The following EYA4 variants were observed in gnomAD, a reference collection of about 807,000 sequenced individuals.
EYA4 encodes protein phosphatase EYA4.
A neutral mutation model predicts 87.9 loss-of-function variants in EYA4; 31 were observed. The ratio of observed to expected loss-of-function variants is 0.35; its 90% CI spans 0.27 to 0.48. EYA4 has a LOEUF of 0.48. Among genes scored for constraint, EYA4 ranks in the 20% least tolerant of loss-of-function variants. EYA4 has a pLI of 0.99. For synonymous variants in EYA4, 263 were observed against 270.6 expected (o/e 0.97, Z 0.28); for missense variants, 678 against 761.4 (o/e 0.89, Z 1.29).
chr6:133,274,829 C>G lies in EYA4; in HGVS notation c.33+16C>G. 6.2e-7 allele frequency: 1 copy of G among 1,611,756 alleles called. No homozygotes were observed. The highest frequency in any genetic ancestry group is 8.5e-7 in the Non-Finnish European group (1 of 1,178,110). On this transcript the variant is annotated intron_variant, in intron 2 of 19. Coordinates refer to ENST00000355286, the MANE Select transcript of EYA4 (RefSeq NM_004100.5). ...TGAACAATCAGTAAGTCTTCATTCT[C>G]AGTTTTGCTGAAAAAAGTTGCGATA...
At chr6:133,400,544 T>A (rs1041370746) in intron 3 of EYA4, among the ~76,000 whole-genome samples, 1 of 152,008 alleles carries the variant, frequency 6.6e-6, no homozygotes, top group African/African-American at 2.4e-5. Context: ...TATGCTTATA[T>A]TGCAAGCCGC....
intron 3 of EYA4, among the ~76,000 whole-genome samples, chr6:133,434,549 G>A (rs1791480272): frequency 6.6e-6 from 1 of 152,074 alleles, no homozygotes; most frequent in South Asian, 2.1e-4. Context: ...TGAGACTAAG[G>A]TCCCATGACT....
chr6:133,372,283 T>C (rs1431333538), intron 2 of EYA4, among the ~76,000 whole-genome samples: 2 of 152,208 alleles, frequency 1.3e-5, no homozygotes, highest in East Asian at 3.9e-4. Context: ...ATTTAAATTG[T>C]TTTTTCTTTA....
chr6:133,440,673 A>G (rs1380858408), intron 3 of EYA4, among the ~76,000 whole-genome samples: 1 of 152,186 alleles, frequency 6.6e-6, no homozygotes, highest in Non-Finnish European at 1.5e-5. Flanking sequence ...ATCAGACAAG[A>G]AAGATGCTGT....
Position 133,337,931 on chromosome 6 carries a change from G to A in EYA4, c.34-44461G>A, listed in dbSNP as rs375165819. ...TTCGCAGATTGGGGTTTTAGATGTT[G>A]GGGTGACTTTCTGAGTTGGTGAAAG... On this transcript the variant is annotated intron_variant, in intron 2 of 19. Transcript: ENST00000355286. Among the ~76,000 whole-genome samples, 85 of 152,244 alleles carry A rather than the reference G, an allele frequency of 5.6e-4. No homozygotes were observed. The South Asian group carries it at 8.5e-3, about 15-fold the overall frequency.
At chr6:133,404,869 A>C (rs1403808761) in intron 3 of EYA4, among the ~76,000 whole-genome samples, 1 of 152,196 alleles carries the variant, frequency 6.6e-6, no homozygotes, top group East Asian at 1.9e-4. Flanking sequence ...GGAGAGAGAG[A>C]AATGGGAAAC....
intron 17 of EYA4, among the ~76,000 whole-genome samples, chr6:133,522,220 C>T (rs1295001980): frequency 5.8e-5 from 8 of 138,144 alleles, no homozygotes; most frequent in African/African-American, 1.6e-4. Context: ...ATGTGCACAA[C>T]GTGCAGGCTT....
chr6:133,348,448 G>C (rs1783383746), intron 2 of EYA4, among the ~76,000 whole-genome samples: 1 of 151,534 alleles, frequency 6.6e-6, no homozygotes, highest in Non-Finnish European at 1.5e-5. Flanking sequence ...TGTATTGTTA[G>C]CAGAGACGGG....
Position 133,523,169 on chromosome 6 carries a change from C to T in EYA4, c.1730C>T (p.Thr577Ile). ...AFPIENIYSA[T>I]KIGKESCFER... ...CCCATTGAGAATATTTACAGTGCAA[C>T]TAAAATAGGTAAGGAAATTATTTTA... is the stretch of plus-strand genomic sequence containing the variant. The change falls in exon 18 of 20, where the codon ACT (threonine) becomes ATT (isoleucine). Residue 577 changes from threonine to isoleucine, a missense_variant. Thr to Ile is a moderately conservative substitution (Grantham distance 89). Coordinates refer to ENST00000355286, the MANE Select transcript of EYA4 (RefSeq NM_004100.5). 6.2e-7 allele frequency: 1 copy of T among 1,612,016 alleles called. No individual in the cohort carries two copies. The highest frequency in any genetic ancestry group is 8.5e-7 in the Non-Finnish European group (1 of 1,178,400).
At chr6:133,323,116 C>T (rs960062610) in intron 2 of EYA4, among the ~76,000 whole-genome samples, 2 of 149,600 alleles carry the variant, frequency 1.3e-5, no homozygotes, top group Admixed American at 6.7e-5. Context: ...GTGTGAGGAT[C>T]AAAAACTCAT....
At chr6:133,270,152 C>T (rs1279376750) in intron 1 of EYA4, among the ~76,000 whole-genome samples, 1 of 152,144 alleles carries the variant, frequency 6.6e-6, no homozygotes, top group Non-Finnish European at 1.5e-5. Context: ...ACAGACACAC[C>T]CAGGGTCAAT....
intron 2 of EYA4, among the ~76,000 whole-genome samples, chr6:133,319,666 G>A (rs1780911757): frequency 6.7e-6 from 1 of 150,134 alleles, no homozygotes. Context: ...TTGTTTTAAG[G>A]GTGTCTCTTC....
chr6:133,346,451 C>T (rs545708947), intron 2 of EYA4, among the ~76,000 whole-genome samples: 31 of 152,226 alleles, frequency 2.0e-4, no homozygotes, highest in Admixed American at 3.3e-4. Flanking sequence ...AGAATTAATA[C>T]CAATCCAAAT....
chr6:133,297,945 T>C (rs1779066698), intron 2 of EYA4, among the ~76,000 whole-genome samples: 1 of 152,162 alleles, frequency 6.6e-6, no homozygotes, highest in South Asian at 2.1e-4. Flanking sequence ...CCACTAATGA[T>C]TGTTGCCTGA....
At chr6:133,430,322 C>CAGG (rs1435733837) in intron 3 of EYA4, among the ~76,000 whole-genome samples, 1 of 152,168 alleles carries the variant, frequency 6.6e-6, no homozygotes, top group Non-Finnish European at 1.5e-5. Context: ...GTCTTCAATA[C>CAGG]ATTTGGGGGA....
At chr6:133,369,777 G>A (rs1369985180) in intron 2 of EYA4, among the ~76,000 whole-genome samples, 1 of 152,120 alleles carries the variant, frequency 6.6e-6, no homozygotes, top group Non-Finnish European at 1.5e-5. Context: ...AAAATTTAAT[G>A]CAGGGATTTA....
At position 133,378,926 on chromosome 6, in the gene EYA4, GGTGTGTGTGTGTGTGT is replaced by G. The variant is rs10681162; in HGVS notation, c.34-3445_34-3430del. On this transcript the variant is annotated intron_variant, in intron 2 of 19. Transcript: ENST00000355286. ...TTACGCTATTCATCCTTTCTGTCTTGGTGTGTGTGTGTGTGTGTGTGTGTGTGTGTGTGTGTATTTC... is the reference window on the plus strand; with the variant it reads ...TTACGCTATTCATCCTTTCTGTCTTGGTGTGTGTGTGTGTGTGTGTATTTC... Among the ~76,000 whole-genome samples the G allele has an allele frequency of 2.1e-5, 3 of 141,830 alleles. No homozygotes were observed. In the East Asian group the frequency reaches 6.2e-4, roughly 30 times the overall value. 93.0% of individuals were successfully genotyped at this position (141,830 alleles called of 152,430 possible).
chr6:133,364,950 G>A (rs974987667), intron 2 of EYA4, among the ~76,000 whole-genome samples: 9 of 152,166 alleles, frequency 5.9e-5, no homozygotes, highest in Admixed American at 5.9e-4. Flanking sequence ...TCTTGGTTAT[G>A]ATCAGGATGA....
At position 133,462,406 on chromosome 6, in the gene EYA4, C is replaced by A; in HGVS notation, c.509C>A (p.Ser170Ter). ...GCCTATGCAGGCCAGACTCAGTATTCGGGGATGCAGCAGCCAGCCGTCTAC... is the reference window on the plus strand; with the variant it reads ...GCCTATGCAGGCCAGACTCAGTATTAGGGGATGCAGCAGCCAGCCGTCTAC... ...MSAYAGQTQYSGMQQPAVYTA... is the reference protein window; with the variant it reads ...MSAYAGQTQY Residue 170 changes from serine (S) to a stop codon, truncating the protein, a stop_gained, in exon 8 of 20, where the codon TCG becomes TAG. Coordinates refer to ENST00000355286, the MANE Select transcript of EYA4 (RefSeq NM_004100.5). LOFTEE classifies it high-confidence loss of function. 1 of 1,614,010 alleles carries A rather than the reference C, an allele frequency of 6.2e-7. No homozygotes were observed. Among genetic ancestry groups the A allele is most frequent in the Non-Finnish European group, 8.5e-7 (1 of 1,179,952 alleles).
Sources: allele counts gnomAD v4.1 joint callset (sites outside exome capture counted in the v4.1 genomes callset), GRCh38; gene constraint gnomAD v4.1.1; transcripts MANE v1.5; gene names NCBI Gene and HGNC (gene_info 2026-07-23, HGNC 2026-07-21).